COL25A1: variants seen among roughly 807,000 people sequenced by gnomAD.
COL25A1 encodes collagen type XXV alpha 1 chain.
In COL25A1, 103 loss-of-function variants were observed where a neutral mutation model predicts 128.4. That is an observed-to-expected ratio of 0.80 (90% CI 0.68 to 0.94). The LOEUF is 0.94. Among genes scored for constraint, COL25A1 ranks in the 40% least tolerant of loss-of-function variants. The probability of loss-of-function intolerance (pLI) is 0.00; values close to 1 mark genes in which losing one functional copy is unlikely to be tolerated. For missense variants in COL25A1, 745 were observed against 840.0 expected, an observed-to-expected ratio of 0.89 and a Z score of 1.40; for synonymous variants, 279 against 277.2, an observed-to-expected ratio of 1.01 and a Z score of -0.06.
At chr4:108,947,718 C>T (rs1488410697) in intron 8 of COL25A1, among the ~76,000 whole-genome samples, 1 of 152,100 alleles carries the variant, frequency 6.6e-6, no homozygotes, top group Non-Finnish European at 1.5e-5. Flanking sequence ...CTGTTTATTG[C>T]ATCATCAATA....
chr4:109,255,745 T>A (rs1781033524), intron 3 of COL25A1, among the ~76,000 whole-genome samples: 1 of 152,200 alleles, frequency 6.6e-6, no homozygotes, highest in South Asian at 2.1e-4. Flanking sequence ...TTAAAACGCT[T>A]AGTAATTTCA....
Position 109,265,518 on chromosome 4 carries a change from CGTGTGTGTGTGT to C in COL25A1, c.367+35053_367+35064del, listed in dbSNP as rs57643656. 8.0e-3 allele frequency among the ~76,000 whole-genome samples: 1,040 copies of C among 129,698 alleles called. 17 individuals carry two copies. The highest frequency in any genetic ancestry group is 0.023 in the African/African-American group (841 of 36,014). 85.1% of individuals were successfully genotyped at this position (129,698 alleles called of 152,430 possible). A position where few individuals can be genotyped will look rare whatever the true frequency, so the allele number is the denominator to read the frequency against. On this transcript the variant is annotated intron_variant, in intron 3 of 37. Transcript: ENST00000399132. ...GTGTTTTCTTACAGTAATAACAGTA[CGTGTGTGTGTGT>C]GTGTGTGTGTGTGTGTGTGTGTGTG...
intron 3 of COL25A1, among the ~76,000 whole-genome samples, chr4:109,122,405 G>C (rs533381757): frequency 6.6e-6 from 1 of 152,032 alleles, no homozygotes; most frequent in Non-Finnish European, 1.5e-5. Context: ...TTTCCACTCA[G>C]TTTTGCTATA....
rs371659334 is a variant in COL25A1, at chr4:109,054,578, TA to T, written c.368-4400del. ...ATAGTAAGATTTTGACACATTCTAA[TA>T]AAAAGCTGAAACTTAGAAGTTTCAT... is the stretch of plus-strand genomic sequence containing the variant. On this transcript the variant is annotated intron_variant, in intron 3 of 37. Coordinates refer to ENST00000399132, the MANE Select transcript of COL25A1 (RefSeq NM_198721.4). Among the ~76,000 whole-genome samples the T allele has an allele frequency of 2.2e-3, 335 of 152,272 alleles. 1 individual carries two copies. The highest frequency in any genetic ancestry group is 7.9e-3 in the African/African-American group (328 of 41,570).
intron 3 of COL25A1, among the ~76,000 whole-genome samples, chr4:109,239,081 T>G (rs952776933): frequency 1.3e-5 from 2 of 151,972 alleles, no homozygotes; most frequent in Non-Finnish European, 2.9e-5. Flanking sequence ...GATGGAAATC[T>G]TTGAACCAAC....
chr4:108,889,836 C>T, intron 16 of COL25A1, 103 bp from the exon 17 acceptor site: 1 of 971,156 alleles, frequency 1.0e-6, no homozygotes, highest in Non-Finnish European at 1.6e-6. Context: ...AAGGGTATCT[C>T]ATGACTAATG....
In COL25A1 at chr4:108,901,226, A is replaced by C. The variant is rs879170607; in HGVS notation, c.781-54T>G. Reference sequence around the variant, plus strand: ...GTAAAATAGACAAAATCAATACATTACATGGATCATTAGAGGAGACAGCCA... The same window carrying C: ...GTAAAATAGACAAAATCAATACATTCCATGGATCATTAGAGGAGACAGCCA... On this transcript the variant is annotated intron_variant, in intron 13 of 37. Coordinates refer to ENST00000399132, the MANE Select transcript of COL25A1 (RefSeq NM_198721.4). 11 of 1,207,024 alleles carry C rather than the reference A, an allele frequency of 9.1e-6. No individual in the cohort carries two copies. In the South Asian group the frequency reaches 1.3e-4, roughly 15 times the overall value. 74.8% of individuals were successfully genotyped at this position (1,207,024 alleles called of 1,614,324 possible).
chr4:108,883,429 A>G (rs1740381208), intron 19 of COL25A1, among the ~76,000 whole-genome samples: 1 of 152,218 alleles, frequency 6.6e-6, no homozygotes, highest in Non-Finnish European at 1.5e-5. Context: ...GTTAACCCCT[A>G]TTAAGTAGTT....
intron 8 of COL25A1, among the ~76,000 whole-genome samples, chr4:108,968,225 T>C (rs1751538158): frequency 6.6e-6 from 1 of 152,196 alleles, no homozygotes; most frequent in South Asian, 2.1e-4. Context: ...TGGTTCAATG[T>C]ATACTGAAAG....
chr4:109,274,505 C>G (rs899637132), intron 3 of COL25A1, among the ~76,000 whole-genome samples: 4 of 152,068 alleles, frequency 2.6e-5, no homozygotes, highest in African/African-American at 7.2e-5. Flanking sequence ...AGTCTTCCAT[C>G]TAATATTTTA....
chr4:109,262,101 C>G (rs935289516), intron 3 of COL25A1, among the ~76,000 whole-genome samples: 18 of 152,160 alleles, frequency 1.2e-4, no homozygotes, highest in African/African-American at 4.3e-4. Context: ...AGAGAACATG[C>G]CTTCATGGGC....
intron 24 of COL25A1, among the ~76,000 whole-genome samples, chr4:108,854,589 C>T (rs1736233091): frequency 1.3e-5 from 2 of 152,222 alleles, no homozygotes; most frequent in Admixed American, 6.5e-5. Context: ...CACATTTATG[C>T]AGCCAACAAA....
chr4:108,889,414 C>T (rs530238423), intron 17 of COL25A1, among the ~76,000 whole-genome samples, 158 bp from the exon 18 acceptor site: 30 of 122,654 alleles, frequency 2.4e-4, no homozygotes, highest in African/African-American at 7.9e-4. Flanking sequence ...ACTAGACATA[C>T]GGATTTTTTT....
At chr4:109,038,464 T>C (rs1271990940) in intron 5 of COL25A1, among the ~76,000 whole-genome samples, 3 of 152,186 alleles carry the variant, frequency 2.0e-5, no homozygotes, top group Non-Finnish European at 4.4e-5. Flanking sequence ...CATACCTCTA[T>C]AGATGCCCTA....
intron 3 of COL25A1, among the ~76,000 whole-genome samples, chr4:109,178,591 G>A (rs1369120309): frequency 2.6e-5 from 4 of 152,100 alleles, no homozygotes; most frequent in Non-Finnish European, 5.9e-5. Flanking sequence ...TTCGGAGGCC[G>A]AGGCGGGCAG....
At chr4:109,151,183 T>G (rs527662262) in intron 3 of COL25A1, among the ~76,000 whole-genome samples, 81 of 152,228 alleles carry the variant, frequency 5.3e-4, no homozygotes, top group African/African-American at 1.9e-3. Flanking sequence ...AATGATTAAT[T>G]TTATCTTATA....
At chr4:108,855,190 TG>T (rs1342284273) in intron 24 of COL25A1, among the ~76,000 whole-genome samples, 3 of 57,660 alleles carry the variant, frequency 5.2e-5, no homozygotes, top group South Asian at 7.8e-4. Context: ...CTGTTGTTAC[TG>T]TTTTTTTTTT....
intron 16 of COL25A1, among the ~76,000 whole-genome samples, chr4:108,892,970 G>A (rs1408545668): frequency 6.6e-6 from 1 of 152,172 alleles, no homozygotes; most frequent in Non-Finnish European, 1.5e-5. Context: ...AATGATGTGT[G>A]CTAATTAGGG....
At chr4:109,215,803 T>C (rs1560882373) in intron 3 of COL25A1, among the ~76,000 whole-genome samples, 1 of 152,120 alleles carries the variant, frequency 6.6e-6, no homozygotes, top group Admixed American at 6.6e-5. Context: ...TTAGCACATA[T>C]TGGGAGGATG....
Sources: allele counts gnomAD v4.1 joint callset (sites outside exome capture counted in the v4.1 genomes callset), GRCh38; gene constraint gnomAD v4.1.1; transcripts MANE v1.5; gene names NCBI Gene and HGNC (gene_info 2026-07-23, HGNC 2026-07-21).